CLPB: variants seen among roughly 807,000 people sequenced by gnomAD.
The protein encoded by CLPB is mitochondrial disaggregase.
CLPB carries 40 observed loss-of-function variants against 78.4 expected under a neutral mutation model. That is an observed-to-expected ratio of 0.51 (90% confidence interval 0.40 to 0.66). The LOEUF is 0.66. CLPB is among the 30% of genes least tolerant of loss of function. The pLI, the probability that CLPB is intolerant of heterozygous loss-of-function variation, is 0.00. For synonymous variants in CLPB, 333 were observed against 348.0 expected (o/e 0.96, Z 0.48); for missense variants, 780 against 886.9 (o/e 0.88, Z 1.53).
intron 12 of CLPB, 100 bp from the exon 13 acceptor site, chr11:72,294,793 TC>T: frequency 1.0e-6 from 1 of 976,142 alleles, no homozygotes; most frequent in Non-Finnish European, 1.6e-6. Context: ...CCTGGTCCTG[TC>T]CATCTGTGTG....
intron 5 of CLPB, among the ~76,000 whole-genome samples, chr11:72,342,493 G>A (rs1950438794): frequency 1.3e-5 from 2 of 152,064 alleles, no homozygotes; most frequent in African/African-American, 4.8e-5. Flanking sequence ...AAATGTTCAC[G>A]ACTTTCCTGG....
rs938063875 is a variant in CLPB, at chr11:72,303,374, C to T, written c.1123-1026G>A. Among the ~76,000 whole-genome samples, 7 of 152,338 alleles carry T rather than the reference C, an allele frequency of 4.6e-5. No homozygotes were observed. In the South Asian group the frequency reaches 6.2e-4, roughly 14 times the overall value. On this transcript the variant is annotated intron_variant, in intron 9 of 15. Transcript: ENST00000538039. ...AGCTTGGCCACTGGTCAGAAATTCACGCCATGATGTACTTTTAGTTCTTTC... is the reference window on the plus strand; with the variant it reads ...AGCTTGGCCACTGGTCAGAAATTCATGCCATGATGTACTTTTAGTTCTTTC...
Position 72,290,550 on chromosome 11 carries a change from T to C in CLPB, c.*2817A>G, listed in dbSNP as rs2508203. 0.94 allele frequency: 143,649 copies of C among 152,264 alleles called. 67,867 individuals are homozygous for C. The highest frequency in any genetic ancestry group is 1 in the East Asian group (5,187 of 5,188). 9.4% of individuals were successfully genotyped at this position (152,264 alleles called of 1,614,324 possible). A position where few individuals can be genotyped will look rare whatever the true frequency, so the allele number is the denominator to read the frequency against. Reference sequence around the variant, plus strand: ...AAATTTTAAGAATAAGACATTCACATAGCTTCAAAGTGGAAGATTCTTGTT... The same window carrying C: ...AAATTTTAAGAATAAGACATTCACACAGCTTCAAAGTGGAAGATTCTTGTT... On this transcript the variant is annotated 3_prime_UTR_variant, in exon 16 of 16. Coordinates refer to ENST00000538039, the MANE Select transcript of CLPB (RefSeq NM_001258392.3).
At chr11:72,308,882 G>A (rs1001654645) in intron 7 of CLPB, among the ~76,000 whole-genome samples, 1 of 152,190 alleles carries the variant, frequency 6.6e-6, no homozygotes, top group South Asian at 2.1e-4. Context: ...TGAAAGGCGG[G>A]TGGATGGTGA....
chr11:72,423,840 G>T (rs577573779), intron 2 of CLPB, among the ~76,000 whole-genome samples: 2 of 152,268 alleles, frequency 1.3e-5, no homozygotes, highest in African/African-American at 4.8e-5. Context: ...TTGCTTTCTA[G>T]GGTCCAGCCT....
chr11:72,322,475 C>T (rs539479579), intron 6 of CLPB, among the ~76,000 whole-genome samples: 15 of 152,254 alleles, frequency 9.9e-5, no homozygotes, highest in Middle Eastern at 3.4e-3. Context: ...TAAGCCACTG[C>T]GCCCGGCAAT....
At chr11:72,408,082 A>T in intron 2 of CLPB, 1 of 1,494,438 alleles carries the variant, frequency 6.7e-7, no homozygotes, top group Non-Finnish European at 9.0e-7. Flanking sequence ...AATATAAAGG[A>T]AAGGGCTCTA....
Position 72,329,776 on chromosome 11 carries a change from C to T in CLPB, c.804G>A (p.Met268Ile), listed in dbSNP as rs1950190614. 6.2e-7 allele frequency: 1 copy of T among 1,613,892 alleles called. No homozygotes were observed. The highest frequency in any genetic ancestry group is 1.3e-5 in the African/African-American group (1 of 75,002). ...GGGCATAATCCAAGGGTGTGTGTCC[C>T]ATTTCATTCCTCTGCAGGGGGTTGG... Reference protein sequence around the residue: ...GGANPLQRNEMGHTPLDYARE... With the variant: ...GGANPLQRNEIGHTPLDYARE... Residue 268 changes from methionine (M) to isoleucine (I), a missense_variant, in exon 6 of 16, where the codon ATG becomes ATA. Around this residue, in one of 3 missense-constraint regions of CLPB, gnomAD observed 417 missense variants for 414.7 expected, o/e 1.01. Transcript: ENST00000538039.
chr11:72,408,347 G>C, intron 2 of CLPB: 1 of 663,470 alleles, frequency 1.5e-6, no homozygotes, highest in Non-Finnish European at 2.6e-6. Flanking sequence ...ACAGAATTTC[G>C]TAAGGAGTGG....
chr11:72,393,482 T>G (rs773738306), intron 3 of CLPB, among the ~76,000 whole-genome samples: 21 of 152,226 alleles, frequency 1.4e-4, no homozygotes, highest in Non-Finnish European at 2.2e-4. Flanking sequence ...CCATTATTAT[T>G]CCCATTTTGC....
intron 3 of CLPB, among the ~76,000 whole-genome samples, chr11:72,402,326 C>T (rs957257422): frequency 6.6e-6 from 1 of 152,168 alleles, no homozygotes; most frequent in Non-Finnish European, 1.5e-5. Flanking sequence ...AAATCCTGTC[C>T]ATGTGACATA....
At chr11:72,331,635 C>G (rs998342332) in intron 5 of CLPB, among the ~76,000 whole-genome samples, 1 of 131,766 alleles carries the variant, frequency 7.6e-6, no homozygotes, top group East Asian at 2.5e-4. Flanking sequence ...AGTGCAGTGG[C>G]GTGATATCTG....
At chr11:72,378,434 C>G (rs565174785) in intron 4 of CLPB, among the ~76,000 whole-genome samples, 10 of 152,146 alleles carry the variant, frequency 6.6e-5, no homozygotes, top group East Asian at 1.9e-4. Flanking sequence ...AAAATGAGGA[C>G]GAAGCAAAAA....
chr11:72,374,249 T>C (rs923608854), intron 4 of CLPB, among the ~76,000 whole-genome samples: 1 of 152,224 alleles, frequency 6.6e-6, no homozygotes, highest in African/African-American at 2.4e-5. Context: ...TTTAAATATA[T>C]ATGATTATCT....
chr11:72,314,044 T>C (rs1259191226), intron 7 of CLPB, among the ~76,000 whole-genome samples: 2 of 151,824 alleles, frequency 1.3e-5, no homozygotes, highest in Non-Finnish European at 2.9e-5. Context: ...AAAGGGAGAG[T>C]CCAGAAGGGT....
In CLPB at chr11:72,287,720, A is replaced by G. The variant is rs1394483564; in HGVS notation, c.*5647T>C. ...TTTCCAGTTTCTTCTTGGGTAACCA[A>G]CTGGCCTATTCAAACTATTTCTAGG... On this transcript the variant is annotated 3_prime_UTR_variant, in exon 16 of 16. Transcript: ENST00000538039. The G allele has an allele frequency of 6.6e-6, 1 of 152,206 alleles. No individual in the cohort carries two copies. The highest frequency in any genetic ancestry group is 2.4e-5 in the African/African-American group (1 of 41,464). The allele number at this position is 152,206 out of a possible 1,614,324, so 9.4% of individuals were successfully genotyped here.
At position 72,298,422 on chromosome 11, in the gene CLPB, T is replaced by C. The variant is rs1484376824; in HGVS notation, c.1330-2774A>G. Among the ~76,000 whole-genome samples, 8 of 152,330 alleles carry C rather than the reference T, an allele frequency of 5.3e-5. No individual in the cohort carries two copies. The South Asian group carries it at 1.0e-3, about 20-fold the overall frequency. On this transcript the variant is annotated intron_variant, in intron 11 of 15. Coordinates refer to ENST00000538039, the MANE Select transcript of CLPB (RefSeq NM_001258392.3). ...TCATTGGTCACGCCAAGGCCAGGGC[T>C]GCATCTGTTTTGTCAGTGTCCCCTC...
intron 9 of CLPB, among the ~76,000 whole-genome samples, chr11:72,306,823 C>T (rs115083137): frequency 0.011 from 1,629 of 152,336 alleles, 25 homozygotes; most frequent in African/African-American, 0.037. Flanking sequence ...CCCCTCCAAC[C>T]TGAGCTCCTT....
rs571319008 is a variant in CLPB at position 72,303,942 on chromosome 11, T to C, written c.1123-1594A>G. 131 of 152,360 alleles carry C rather than the reference T, an allele frequency of 8.6e-4. 6 individuals are homozygous for C. Among genetic ancestry groups the C allele is most frequent in the East Asian group, 1.9e-4 (1 of 5,188 alleles). The allele number at this position is 152,360 out of a possible 1,614,324, so 9.4% of individuals were successfully genotyped here. On this transcript the variant is annotated intron_variant, in intron 9 of 15. Transcript: ENST00000538039. The stretch of plus-strand genomic sequence containing the variant: ...TCCAAGTCTGTGCTCTTAGCCATCA[T>C]GCTACACTGCCTCATAGCTTCCTCT...
Sources: allele counts gnomAD v4.1 joint callset (sites outside exome capture counted in the v4.1 genomes callset), GRCh38; gene constraint gnomAD v4.1.1; regional missense constraint gnomAD v4.1.1; transcripts MANE v1.5; gene names NCBI Gene and HGNC (gene_info 2026-07-23, HGNC 2026-07-21).